The following PLPPR5 variants were observed in gnomAD, a reference collection of about 807,000 sequenced individuals.
PLPPR5 encodes phospholipid phosphatase-related protein type 5.
PLPPR5 carries 16 observed loss-of-function variants against 33.9 expected under a neutral mutation model. The observed-to-expected ratio is 0.47, with a 90% CI of 0.32 to 0.72. The LOEUF is 0.72. PLPPR5 is among the 30% of genes least tolerant of loss of function. The pLI is 0.03. For missense variants in PLPPR5, 301 were observed against 406.7 expected (o/e 0.74, Z 2.23); for synonymous variants, 163 against 150.3 (o/e 1.08, Z -0.62).
chr1:98,926,029 A>G (rs576011062), intron 3 of PLPPR5, among the ~76,000 whole-genome samples: 1 of 152,268 alleles, frequency 6.6e-6, no homozygotes, highest in African/African-American at 2.4e-5. Flanking sequence ...TCTTGTTTTC[A>G]TGCTTCTTTC....
intron 1 of PLPPR5, among the ~76,000 whole-genome samples, chr1:98,987,986 G>T (rs751944465): frequency 3.5e-4 from 53 of 152,000 alleles, no homozygotes; most frequent in Non-Finnish European, 6.6e-4. Flanking sequence ...AACTATTCAT[G>T]GGCATTCTTA....
intron 1 of PLPPR5, among the ~76,000 whole-genome samples, chr1:98,962,473 A>G (rs1459096212): frequency 6.6e-6 from 1 of 152,136 alleles, no homozygotes; most frequent in Non-Finnish European, 1.5e-5. Flanking sequence ...TCTTAATTCT[A>G]TTTCAAATAA....
chr1:98,990,585 G>C (rs970384306), intron 1 of PLPPR5, among the ~76,000 whole-genome samples: 12 of 152,064 alleles, frequency 7.9e-5, no homozygotes, highest in Admixed American at 2.6e-4. Context: ...TCCATTTGAA[G>C]TAAGTGAGAT....
intron 4 of PLPPR5, 45 bp downstream of exon 4, chr1:98,921,837 A>G (rs1234531872): frequency 6.7e-7 from 1 of 1,483,570 alleles, no homozygotes; most frequent in African/African-American, 1.4e-5. Context: ...GTGATTATGC[A>G]AGTTAATTAA....
intron 1 of PLPPR5, among the ~76,000 whole-genome samples, chr1:98,991,624 T>C (rs1194501447): frequency 6.6e-6 from 1 of 152,180 alleles, no homozygotes; most frequent in Non-Finnish European, 1.5e-5. Context: ...AACTGAAAAG[T>C]AACTTCAAAC....
Position 98,939,301 on chromosome 1 carries a change from T to TGCACCACTGCCTG in PLPPR5, c.621+13768_621+13769insCAGGCAGTGGTGC, listed in dbSNP as rs1322324548. 1.3e-3 allele frequency among the ~76,000 whole-genome samples: 196 copies of TGCACCACTGCCTG among 148,562 alleles called. 3 individuals are homozygous for TGCACCACTGCCTG. The highest frequency in any genetic ancestry group is 2.1e-3 in the Admixed American group (31 of 14,866). On this transcript the variant is annotated intron_variant, in intron 3 of 5. Coordinates refer to ENST00000263177, the MANE Select transcript of PLPPR5 (RefSeq NM_001037317.2). ...TAATTTTTCCATATAGAGGAAGGGA[T>TGCACCACTGCCTG]GCTAAAAGTGATTTGCTTTTGTGTC...
intron 3 of PLPPR5, among the ~76,000 whole-genome samples, chr1:98,932,954 G>A (rs1195908872): frequency 6.6e-6 from 1 of 152,134 alleles, no homozygotes; most frequent in Non-Finnish European, 1.5e-5. Flanking sequence ...AAGTATTTCA[G>A]CATTCAGAAC....
chr1:98,932,000 G>A (rs190749384), intron 3 of PLPPR5, among the ~76,000 whole-genome samples: 1 of 152,288 alleles, frequency 6.6e-6, no homozygotes, highest in Non-Finnish European at 1.5e-5. Flanking sequence ...GCGTGCTTAT[G>A]TGCACCCATG....
chr1:98,992,998 C>T (rs56368752), intron 1 of PLPPR5, among the ~76,000 whole-genome samples: 7,350 of 152,128 alleles, frequency 0.048, 228 homozygotes, highest in East Asian at 0.14. Context: ...GCCTCAGTGT[C>T]CTCATCTGTA....
intron 1 of PLPPR5, among the ~76,000 whole-genome samples, chr1:98,957,213 C>T (rs1373615290): frequency 6.6e-6 from 1 of 150,806 alleles, no homozygotes; most frequent in Non-Finnish European, 1.5e-5. Flanking sequence ...GGAGGGATAG[C>T]ATTGGGAGAT....
chr1:98,934,081 T>C (rs758130881), intron 3 of PLPPR5, among the ~76,000 whole-genome samples: 7 of 152,022 alleles, frequency 4.6e-5, no homozygotes, highest in South Asian at 4.1e-4. Flanking sequence ...TCAGGAGACA[T>C]AGAAGTTGGA....
intron 1 of PLPPR5, among the ~76,000 whole-genome samples, chr1:98,974,011 C>T (rs780872959): frequency 6.6e-6 from 1 of 151,838 alleles, no homozygotes. Flanking sequence ...AAATCCTTTC[C>T]GGGTAGTGAA....
intron 5 of PLPPR5, among the ~76,000 whole-genome samples, chr1:98,906,842 T>G (rs1482571533): frequency 2.0e-5 from 3 of 152,170 alleles, no homozygotes; most frequent in Non-Finnish European, 2.9e-5. Context: ...CTTTAAAGTA[T>G]ATTTCTGAAT....
At chr1:98,963,332 T>G (rs1651314699) in intron 1 of PLPPR5, among the ~76,000 whole-genome samples, 1 of 152,240 alleles carries the variant, frequency 6.6e-6, no homozygotes, top group Non-Finnish European at 1.5e-5. Context: ...TGCATATGCG[T>G]TTATAAGTAT....
intron 5 of PLPPR5, among the ~76,000 whole-genome samples, chr1:98,902,371 G>A (rs1217903357): frequency 4.4e-5 from 6 of 135,180 alleles, no homozygotes; most frequent in Non-Finnish European, 9.7e-5. Context: ...TTTTAAGAAT[G>A]TTTCCTGTGA....
intron 4 of PLPPR5, among the ~76,000 whole-genome samples, chr1:98,915,968 A>G (rs1649329374): frequency 6.6e-6 from 1 of 152,220 alleles, no homozygotes; most frequent in East Asian, 1.9e-4. Context: ...ATATTCTATT[A>G]CAAATCAAAA....
chr1:98,907,590 G>A (rs6682486), intron 5 of PLPPR5, among the ~76,000 whole-genome samples: 28,333 of 152,020 alleles, frequency 0.19, 2,919 homozygotes, highest in African/African-American at 0.26. Flanking sequence ...TTCTTGTCCT[G>A]ATTATTCATG....
At chr1:98,939,327 A>AGCCTCCCG (rs1268196358) in intron 3 of PLPPR5, among the ~76,000 whole-genome samples, 7 of 151,976 alleles carry the variant, frequency 4.6e-5, no homozygotes, top group Non-Finnish European at 8.8e-5. Context: ...CTTTTGTGTC[A>AGCCTCCCG]AATATGCTAG....
chr1:98,989,350 G>A (rs917549058), intron 1 of PLPPR5, among the ~76,000 whole-genome samples: 2 of 152,010 alleles, frequency 1.3e-5, no homozygotes, highest in Non-Finnish European at 2.9e-5. Flanking sequence ...AGTTTTAAAT[G>A]TTTGCTTTCA....
Sources: gnomAD v4.1 joint callset for allele counts (sites outside exome capture counted in the v4.1 genomes callset) on GRCh38, gnomAD v4.1.1 for gene constraint, MANE v1.5 for transcripts, NCBI Gene and HGNC (gene_info 2026-07-23, HGNC 2026-07-21) for gene names.